ANGPT2: variants seen among roughly 807,000 people sequenced by gnomAD.
ANGPT2 encodes the protein angiopoietin-2.
Under a neutral mutation model 62.9 loss-of-function variants are expected in ANGPT2, and 28 were observed. The ratio of observed to expected loss-of-function variants is 0.44; its 90% CI spans 0.33 to 0.61. The LOEUF (loss-of-function observed/expected upper bound fraction) is 0.61. Ranked by LOEUF, ANGPT2 falls within the 20% of genes least tolerant of loss-of-function variation. The probability of loss-of-function intolerance (pLI) is 0.03; values close to 1 mark genes in which losing one functional copy is unlikely to be tolerated. For synonymous variants in ANGPT2, 284 were observed against 207.8 expected, an observed-to-expected ratio of 1.37 and a Z score of -3.15; for missense variants, 727 against 594.9, an observed-to-expected ratio of 1.22 and a Z score of -2.31.
intron 2 of ANGPT2, 51 bp downstream of exon 2, chr8:6,532,281 T>A: frequency 6.2e-7 from 1 of 1,610,270 alleles, no homozygotes; most frequent in Non-Finnish European, 8.5e-7. Context: ...CGCGACTGAG[T>A]GCTAGTCTCT....
intron 1 of ANGPT2, among the ~76,000 whole-genome samples, chr8:6,537,217 G>A (rs370819780): frequency 1.3e-5 from 2 of 152,142 alleles, no homozygotes; most frequent in Non-Finnish European, 2.9e-5. Context: ...CATATCTGAA[G>A]AGGATTATTC....
At chr8:6,540,828 G>T (rs541446096) in intron 1 of ANGPT2, among the ~76,000 whole-genome samples, 4 of 152,248 alleles carry the variant, frequency 2.6e-5, no homozygotes, top group Non-Finnish European at 5.9e-5. Flanking sequence ...AGGCAGGGGC[G>T]CCGCAGGGTG....
intron 6 of ANGPT2, 60 bp from the exon 7 acceptor site, chr8:6,513,904 G>A: frequency 1.4e-6 from 2 of 1,466,264 alleles, no homozygotes; most frequent in South Asian, 2.6e-5. Flanking sequence ...TATATTTGAA[G>A]TGGATAGTCC....
chr8:6,523,997 C>G (rs1353209308), intron 3 of ANGPT2, among the ~76,000 whole-genome samples: 2 of 151,798 alleles, frequency 1.3e-5, no homozygotes, highest in Non-Finnish European at 2.9e-5. Flanking sequence ...AAAGCAGCAA[C>G]TAAAGATGTT....
At chr8:6,534,206 A>T (rs113006391) in intron 1 of ANGPT2, among the ~76,000 whole-genome samples, 1,417 of 140,196 alleles carry the variant, frequency 0.01, 26 homozygotes, top group African/African-American at 0.033. Flanking sequence ...AATATATTTT[A>T]AAAAAAAAAT....
At chr8:6,536,445 C>T (rs904908537) in intron 1 of ANGPT2, among the ~76,000 whole-genome samples, 1 of 152,210 alleles carries the variant, frequency 6.6e-6, no homozygotes, top group East Asian at 1.9e-4. Flanking sequence ...CTTGAGTATG[C>T]CTTCCAATTC....
intron 5 of ANGPT2, among the ~76,000 whole-genome samples, chr8:6,516,344 TG>T (rs1816268287): frequency 6.6e-6 from 1 of 152,228 alleles, no homozygotes; most frequent in African/African-American, 2.4e-5. Flanking sequence ...TCTGCATTTT[TG>T]AAAGGAGAAA....
intron 1 of ANGPT2, among the ~76,000 whole-genome samples, chr8:6,549,193 C>T (rs762349331): frequency 1.3e-4 from 20 of 152,162 alleles, no homozygotes; most frequent in Non-Finnish European, 2.8e-4. Context: ...GAAGTGTTGA[C>T]TTCCATAAAA....
Position 6,502,808 on chromosome 8 carries a change from G to C in ANGPT2, c.*293C>G. The C allele has an allele frequency of 2.5e-6, 1 of 397,116 alleles. No individual in the cohort carries two copies. The highest frequency in any genetic ancestry group is 4.6e-6 in the Non-Finnish European group (1 of 218,218). 24.6% of individuals were successfully genotyped at this position (397,116 alleles called of 1,614,324 possible). A position where few individuals can be genotyped will look rare whatever the true frequency, so the allele number is the denominator to read the frequency against. Reference sequence around the variant, plus strand: ...ACTTGCACATAACATTCTTGGTTGTGACAGCAGCGTCTGTAAACTGTCAGT... The same window carrying C: ...ACTTGCACATAACATTCTTGGTTGTCACAGCAGCGTCTGTAAACTGTCAGT... On this transcript the variant is annotated 3_prime_UTR_variant, in exon 9 of 9. Coordinates refer to ENST00000629816, the MANE Select transcript of ANGPT2 (RefSeq NM_001118887.2).
At chr8:6,512,606 G>A (rs1815381246) in intron 7 of ANGPT2, among the ~76,000 whole-genome samples, 3 of 152,172 alleles carry the variant, frequency 2.0e-5, no homozygotes, top group Admixed American at 2.0e-4. Context: ...CCCTCCCGTT[G>A]CACACACATT....
At chr8:6,521,515 G>T in intron 3 of ANGPT2, 105 bp from the exon 4 acceptor site, 2 of 838,106 alleles carry the variant, frequency 2.4e-6, no homozygotes, top group Non-Finnish European at 1.8e-6. Context: ...ATATTGTAGT[G>T]GTTATAAAGT....
Position 6,505,301 on chromosome 8 carries a change from A to C in ANGPT2, c.1328-2040T>G, listed in dbSNP as rs1262892706. 1.8e-3 allele frequency among the ~76,000 whole-genome samples: 148 copies of C among 80,402 alleles called. 17 individuals carry two copies. Among genetic ancestry groups the C allele is most frequent in the African/African-American group, 0.011 (134 of 12,074 alleles). 52.7% of individuals were successfully genotyped at this position (80,402 alleles called of 152,430 possible). A position where few individuals can be genotyped will look rare whatever the true frequency, so the allele number is the denominator to read the frequency against. ...ACATATATATGTTATATACATATAT[A>C]TGTATATAACATATATATGTTATAT... On this transcript the variant is annotated intron_variant, in intron 8 of 8. Transcript: ENST00000629816.
chr8:6,526,742 T>G (rs1818419038), intron 3 of ANGPT2, among the ~76,000 whole-genome samples: 1 of 152,228 alleles, frequency 6.6e-6, no homozygotes. Context: ...GGATATATTG[T>G]TATAGCCATG....
At chr8:6,505,182 A>G (rs2129564090) in intron 8 of ANGPT2, among the ~76,000 whole-genome samples, 1 of 143,426 alleles carries the variant, frequency 7.0e-6, no homozygotes, top group East Asian at 2.0e-4. Context: ...AAGAATATAT[A>G]TATATATATT....
intron 1 of ANGPT2, among the ~76,000 whole-genome samples, chr8:6,534,100 C>T (rs1489271217): frequency 6.6e-6 from 1 of 152,224 alleles, no homozygotes; most frequent in South Asian, 2.1e-4. Flanking sequence ...GTCGTTCTCC[C>T]GTGGATATTG....
chr8:6,513,876 C>T, intron 6 of ANGPT2, 32 bp from the exon 7 acceptor site: 3 of 1,571,116 alleles, frequency 1.9e-6, no homozygotes, highest in Non-Finnish European at 2.6e-6. Flanking sequence ...TCAATTATTT[C>T]ATGTAATTTT....
At chr8:6,506,334 C>T (rs1284902842) in intron 8 of ANGPT2, among the ~76,000 whole-genome samples, 2 of 152,128 alleles carry the variant, frequency 1.3e-5, no homozygotes, top group Non-Finnish European at 2.9e-5. Flanking sequence ...TTGACCTCTT[C>T]ACAGGCAAGA....
chr8:6,541,493 A>T (rs1321473045), intron 1 of ANGPT2, among the ~76,000 whole-genome samples: 1 of 152,182 alleles, frequency 6.6e-6, no homozygotes, highest in Admixed American at 6.5e-5. Flanking sequence ...AGGAAACCAA[A>T]GCCAGGGTTG....
chr8:6,546,486 A>C (rs1369078093), intron 1 of ANGPT2, among the ~76,000 whole-genome samples: 1 of 152,258 alleles, frequency 6.6e-6, no homozygotes, highest in Admixed American at 6.5e-5. Flanking sequence ...CTAACTGGCA[A>C]ATATATTCCA....
Sources: gnomAD v4.1 joint callset for allele counts (sites outside exome capture counted in the v4.1 genomes callset) on GRCh38, gnomAD v4.1.1 for gene constraint, MANE v1.5 for transcripts, NCBI Gene and HGNC (gene_info 2026-07-23, HGNC 2026-07-21) for gene names.